CCBE1: variants seen among roughly 807,000 people sequenced by gnomAD.
CCBE1 encodes the protein collagen and calcium binding EGF domains 1, also known as collagen and calcium-binding EGF domain-containing protein 1.
A neutral mutation model predicts 50.0 loss-of-function variants in CCBE1; 37 were observed. That is an observed-to-expected ratio of 0.74 (90% confidence interval 0.57 to 0.97). CCBE1 has a LOEUF of 0.97. CCBE1 is among the 50% of genes least tolerant of loss of function. CCBE1 has a pLI of 0.00. For synonymous variants in CCBE1, 234 were observed against 203.7 expected (o/e 1.15, Z -1.27); for missense variants, 538 against 523.8 (o/e 1.03, Z -0.26).
intron 2 of CCBE1, among the ~76,000 whole-genome samples, chr18:59,631,498 T>C (rs1303787715): frequency 6.6e-6 from 1 of 152,100 alleles, no homozygotes; most frequent in East Asian, 1.9e-4. Flanking sequence ...TCCAAAAGAT[T>C]AAAAGGCACT....
chr18:59,532,048 A>G (rs1474640137), intron 2 of CCBE1, among the ~76,000 whole-genome samples: 1 of 152,150 alleles, frequency 6.6e-6, no homozygotes, highest in Admixed American at 6.5e-5. Context: ...ATGACCGTCT[A>G]TGTATCTCTA....
intron 2 of CCBE1, among the ~76,000 whole-genome samples, chr18:59,529,870 G>A (rs1914981265): frequency 6.6e-6 from 1 of 152,104 alleles, no homozygotes. Flanking sequence ...TGGATCTTTT[G>A]GAAAAAACTG....
chr18:59,614,209 C>T (rs1031408882), intron 2 of CCBE1, among the ~76,000 whole-genome samples: 4 of 152,068 alleles, frequency 2.6e-5, no homozygotes, highest in African/African-American at 9.7e-5. Flanking sequence ...TTCACCATGC[C>T]GGCCCGGCTC....
At chr18:59,438,760 T>C (rs1910273827) in intron 9 of CCBE1, among the ~76,000 whole-genome samples, 1 of 152,198 alleles carries the variant, frequency 6.6e-6, no homozygotes, top group Non-Finnish European at 1.5e-5. Flanking sequence ...AAAAGTTCTA[T>C]CTGGTATCTG....
chr18:59,628,810 C>T (rs900062508), intron 2 of CCBE1, among the ~76,000 whole-genome samples: 2 of 152,194 alleles, frequency 1.3e-5, no homozygotes, highest in Non-Finnish European at 2.9e-5. Context: ...GCTTTCTAGG[C>T]CACCAACCTG....
intron 2 of CCBE1, among the ~76,000 whole-genome samples, chr18:59,612,330 G>GAA (rs5825351): frequency 1.2e-3 from 158 of 130,676 alleles, no homozygotes; most frequent in East Asian, 5.6e-3. Flanking sequence ...AGAAAAAAAA[G>GAA]AAAAAAAAAA....
intron 2 of CCBE1, among the ~76,000 whole-genome samples, chr18:59,622,682 TC>T (rs1487146684): frequency 3.3e-5 from 5 of 149,956 alleles, no homozygotes; most frequent in African/African-American, 9.9e-5. Context: ...GCGCCTATAA[TC>T]CCAGCTACTT....
intron 2 of CCBE1, among the ~76,000 whole-genome samples, chr18:59,668,395 C>T (rs143192444): frequency 0.012 from 1,787 of 149,216 alleles, 25 homozygotes; most frequent in African/African-American, 0.032. Context: ...CCAGCCTGGG[C>T]GACAAAGCGA....
At chr18:59,445,078 A>G (rs1328981259) in intron 7 of CCBE1, among the ~76,000 whole-genome samples, 2 of 138,982 alleles carry the variant, frequency 1.4e-5, no homozygotes, top group Admixed American at 7.0e-5. Context: ...TTTGCTGCCT[A>G]TGCTTTTGGG....
intron 2 of CCBE1, among the ~76,000 whole-genome samples, chr18:59,623,807 G>A (rs927811390): frequency 6.6e-5 from 10 of 152,092 alleles, no homozygotes; most frequent in African/African-American, 2.4e-4. Context: ...TGTTTTCAAG[G>A]ACACACATGA....
At chr18:59,643,939 C>T (rs933540568) in intron 2 of CCBE1, among the ~76,000 whole-genome samples, 5 of 152,194 alleles carry the variant, frequency 3.3e-5, no homozygotes, top group South Asian at 2.1e-4. Context: ...AGCAGCCTTT[C>T]CCTAATGTAT....
chr18:59,482,340 G>A (rs1912611419), intron 2 of CCBE1, among the ~76,000 whole-genome samples: 1 of 152,214 alleles, frequency 6.6e-6, no homozygotes, highest in African/African-American at 2.4e-5. Flanking sequence ...TTTTTACACT[G>A]TTGGTAGGAG....
chr18:59,575,812 C>T (rs2052986400), intron 2 of CCBE1, among the ~76,000 whole-genome samples: 1 of 152,182 alleles, frequency 6.6e-6, no homozygotes, highest in Non-Finnish European at 1.5e-5. Flanking sequence ...CAGAGCAGGT[C>T]ATACTGGGTA....
chr18:59,696,829 A>AG (rs1322210668), intron 1 of CCBE1, 120 bp from the exon 2 acceptor site: 7 of 1,122,680 alleles, frequency 6.2e-6, no homozygotes, highest in South Asian at 5.0e-5. Context: ...CGCTCTGGGC[A>AG]GGGGCTGGTC....
intron 2 of CCBE1, among the ~76,000 whole-genome samples, chr18:59,692,887 G>GT (rs1477910833): frequency 2.5e-5 from 1 of 39,436 alleles, no homozygotes. Context: ...GAACCCCAAA[G>GT]CCAAAATCAC....
chr18:59,581,865 G>A (rs2053088573), intron 2 of CCBE1, among the ~76,000 whole-genome samples: 1 of 152,138 alleles, frequency 6.6e-6, no homozygotes, highest in South Asian at 2.1e-4. Context: ...CCTCCCCGCT[G>A]AGAACCACTG....
intron 2 of CCBE1, among the ~76,000 whole-genome samples, chr18:59,614,248 C>T (rs2053609659): frequency 6.6e-6 from 1 of 152,148 alleles, no homozygotes; most frequent in Admixed American, 6.5e-5. Flanking sequence ...GATCCACCTG[C>T]CTCGGTCTCC....
intron 2 of CCBE1, among the ~76,000 whole-genome samples, chr18:59,560,854 G>A (rs2052726219): frequency 6.6e-6 from 1 of 152,178 alleles, no homozygotes. Flanking sequence ...CAGTGAAGTG[G>A]GGCACCTACT....
intron 2 of CCBE1, among the ~76,000 whole-genome samples, chr18:59,499,843 T>A (rs1450242882): frequency 6.6e-6 from 1 of 152,074 alleles, no homozygotes; most frequent in Non-Finnish European, 1.5e-5. Flanking sequence ...CTAAAGCCTG[T>A]TTGTGTGTGG....
Sources: allele counts gnomAD v4.1 joint callset (sites outside exome capture counted in the v4.1 genomes callset), GRCh38; gene constraint gnomAD v4.1.1; transcripts MANE v1.5; gene names NCBI Gene and HGNC (gene_info 2026-07-23, HGNC 2026-07-21).